Variants in WWOX observed in about 807,000 individuals in gnomAD.
WWOX encodes WW domain containing oxidoreductase, also known as WW domain-containing oxidoreductase.
A neutral mutation model predicts 46.2 loss-of-function variants in WWOX; 69 were observed. The observed-to-expected ratio is 1.49, with a 90% CI of 1.23 to 1.82. The LOEUF (loss-of-function observed/expected upper bound fraction) is 1.82. Ranked by LOEUF, WWOX falls within the 40% of genes most tolerant of loss-of-function variation. The pLI is 0.00. For synonymous variants in WWOX, 359 were observed against 202.6 expected, an observed-to-expected ratio of 1.77 and a Z score of -6.56; for missense variants, 919 against 542.6, an observed-to-expected ratio of 1.69 and a Z score of -6.89.
chr16:78,703,349 C>T (rs2048265320), intron 8 of WWOX, among the ~76,000 whole-genome samples: 1 of 152,082 alleles, frequency 6.6e-6, no homozygotes, highest in Admixed American at 6.5e-5. Flanking sequence ...GGCATGGTGG[C>T]TCCTACTTGT....
chr16:78,434,998 G>A lies in WWOX; in HGVS notation c.1056+2246G>A, dbSNP rs748570110. On this transcript the variant is annotated intron_variant, in intron 8 of 8. Transcript: ENST00000566780. ...TATTATCTAATATTTAATATAATAT[G>A]CTTAATAAAGTCAGACTTGAAAGTT... 1.6e-3 allele frequency among the ~76,000 whole-genome samples: 242 copies of A among 152,272 alleles called. 2 individuals are homozygous for A. The highest frequency in any genetic ancestry group is 3.5e-4 in the Non-Finnish European group (24 of 68,028).
chr16:78,556,590 T>C (rs1480678805), intron 8 of WWOX, among the ~76,000 whole-genome samples: 1 of 152,176 alleles, frequency 6.6e-6, no homozygotes, highest in African/African-American at 2.4e-5. Flanking sequence ...TGCGGTGAGT[T>C]GCCGTGCCCA....
chr16:78,956,838 T>C (rs1026339439), intron 8 of WWOX, among the ~76,000 whole-genome samples: 11 of 152,160 alleles, frequency 7.2e-5, no homozygotes, highest in African/African-American at 2.7e-4. Flanking sequence ...TGCCCACTTT[T>C]GGAAATTGTG....
rs547035475 is a variant in WWOX, at chr16:78,730,589, C to G, written c.1056+297837C>G. Among the ~76,000 whole-genome samples the G allele has an allele frequency of 4.0e-5, 6 of 151,010 alleles. No homozygotes were observed. The East Asian group carries it at 7.8e-4, about 20-fold the overall frequency. ...AACCTAGCCTCCTAAGTAGCTGGGA[C>G]CACAGGTGCATGCCACCACGCCCGG... On this transcript the variant is annotated intron_variant, in intron 8 of 8. Transcript: ENST00000566780.
rs1231319966 is a variant in WWOX, at chr16:78,874,495, G to GACTTGTCTGAGCC, written c.1057-337113_1057-337112insACTTGTCTGAGCC. On this transcript the variant is annotated intron_variant, in intron 8 of 8. Coordinates refer to ENST00000566780, the MANE Select transcript of WWOX (RefSeq NM_016373.4). ...AATTATGGACTTGTCTGAGCCTGATGTGGTGCCTGGCCAGGGCTCACTGCA... is the reference window on the plus strand; with the variant it reads ...AATTATGGACTTGTCTGAGCCTGATGACTTGTCTGAGCCTGGTGCCTGGCCAGGGCTCACTGCA... Among the ~76,000 whole-genome samples the GACTTGTCTGAGCC allele has an allele frequency of 8.5e-5, 13 of 152,120 alleles. No homozygotes were observed. In the South Asian group the frequency reaches 1.9e-3, roughly 22 times the overall value.
intron 8 of WWOX, among the ~76,000 whole-genome samples, chr16:79,000,063 G>A (rs962910332): frequency 6.6e-6 from 1 of 152,058 alleles, no homozygotes; most frequent in East Asian, 1.9e-4. Context: ...GTCTCTTCAG[G>A]CTCCTGGGAT....
intron 7 of WWOX, among the ~76,000 whole-genome samples, chr16:78,431,611 G>T (rs1215535808): frequency 6.6e-6 from 1 of 151,690 alleles, no homozygotes; most frequent in East Asian, 1.9e-4. Context: ...ATGTTAGAGG[G>T]TGGGGAGAGA....
chr16:78,824,187 A>T (rs1157821702), intron 8 of WWOX, among the ~76,000 whole-genome samples: 1 of 152,254 alleles, frequency 6.6e-6, no homozygotes, highest in Non-Finnish European at 1.5e-5. Flanking sequence ...GGTTAAAAAT[A>T]ACTCTCATTT....
At chr16:78,790,663 A>G (rs550666494) in intron 8 of WWOX, among the ~76,000 whole-genome samples, 10 of 152,248 alleles carry the variant, frequency 6.6e-5, no homozygotes, top group African/African-American at 2.4e-4. Context: ...CATGAAACAC[A>G]AGTACAAAGG....
At chr16:78,552,690 C>G (rs868123817) in intron 8 of WWOX, 2 of 152,222 alleles carry the variant, frequency 1.3e-5, no homozygotes, top group Non-Finnish European at 2.9e-5. Flanking sequence ...GTTCTTTCTC[C>G]TCCTAAGAAA....
In WWOX at chr16:78,393,110, C is replaced by T. The variant is rs139520673; in HGVS notation, c.605+6162C>T. 7.2e-3 allele frequency among the ~76,000 whole-genome samples: 1,091 copies of T among 152,250 alleles called. 8 individuals carry two copies. The highest frequency in any genetic ancestry group is 0.043 in the South Asian group (209 of 4,814). On this transcript the variant is annotated intron_variant, in intron 6 of 8. Coordinates refer to ENST00000566780, the MANE Select transcript of WWOX (RefSeq NM_016373.4). ...TTAAACTGCATTCCTGGAGAGGAGC[C>T]AGACTTCCTACTGCCTGGCAGCAGT...
At chr16:79,206,575 T>C (rs1408997421) in intron 8 of WWOX, 1 of 152,352 alleles carries the variant, frequency 6.6e-6, no homozygotes, top group East Asian at 1.9e-4. Flanking sequence ...ATGCTAGTCA[T>C]TGATGTCACT....
intron 4 of WWOX, among the ~76,000 whole-genome samples, chr16:78,136,757 A>T (rs186342132): frequency 1.3e-5 from 2 of 152,196 alleles, no homozygotes; most frequent in East Asian, 3.9e-4. Context: ...AAGACCACCC[A>T]TTAGGCAAAT....
chr16:78,761,874 GCTAA>G (rs1185898677), intron 8 of WWOX, among the ~76,000 whole-genome samples: 2 of 152,146 alleles, frequency 1.3e-5, no homozygotes, highest in African/African-American at 4.8e-5. Context: ...GTTCATTAGT[GCTAA>G]CTTAGTTCAT....
Position 78,627,212 on chromosome 16 carries a change from C to G in WWOX, c.1056+194460C>G, listed in dbSNP as rs527767356. Among the ~76,000 whole-genome samples, 15 of 152,268 alleles carry G rather than the reference C, an allele frequency of 9.9e-5. No homozygotes were observed. In the East Asian group the frequency reaches 2.7e-3, roughly 27 times the overall value. ...CATAATTTAGGCCCCTTTCAGGCCA[C>G]TCTTCCCCCTGTGCCCCAGGTGTGT... On this transcript the variant is annotated intron_variant, in intron 8 of 8. Coordinates refer to ENST00000566780, the MANE Select transcript of WWOX (RefSeq NM_016373.4).
chr16:79,049,934 C>G (rs1337443544), intron 8 of WWOX, among the ~76,000 whole-genome samples: 1 of 151,882 alleles, frequency 6.6e-6, no homozygotes, highest in Non-Finnish European at 1.5e-5. Context: ...CATGTGGTTC[C>G]ATTAAGGGAA....
chr16:78,945,737 AGGTTCCTGCAAATTGTTTTTATTTAG>A (rs1000963745), intron 8 of WWOX, among the ~76,000 whole-genome samples: 11 of 149,962 alleles, frequency 7.3e-5, no homozygotes, highest in African/African-American at 2.7e-4. Flanking sequence ...ATTTCTTTCC[AGGTTCCTGCAAATTGTTTTTATTTAG>A]GGCTCATCTG....
At chr16:78,263,332 C>T (rs2079286989) in intron 5 of WWOX, among the ~76,000 whole-genome samples, 1 of 152,304 alleles carries the variant, frequency 6.6e-6, no homozygotes, top group South Asian at 2.1e-4. Context: ...ATTGGACAGA[C>T]CTGAGTCATG....
At chr16:78,691,501 G>C (rs1226735616) in intron 8 of WWOX, among the ~76,000 whole-genome samples, 1 of 152,096 alleles carries the variant, frequency 6.6e-6, no homozygotes, top group Non-Finnish European at 1.5e-5. Flanking sequence ...GAGCCTAGGA[G>C]TTCGAGACCA....
Sources: gnomAD v4.1 joint callset for allele counts (sites outside exome capture counted in the v4.1 genomes callset) on GRCh38, gnomAD v4.1.1 for gene constraint, MANE v1.5 for transcripts, NCBI Gene and HGNC (gene_info 2026-07-23, HGNC 2026-07-21) for gene names.